Variants in MAGI2 observed in about 807,000 individuals in gnomAD.
MAGI2 encodes membrane associated guanylate kinase, WW and PDZ domain containing 2, also known as membrane-associated guanylate kinase, WW and PDZ domain-containing protein 2.
Under a neutral mutation model 133.3 loss-of-function variants are expected in MAGI2, and 35 were observed. The observed-to-expected ratio is 0.26, with a 90% CI of 0.20 to 0.35. The LOEUF (loss-of-function observed/expected upper bound fraction) is 0.35. MAGI2 is among the 10% of genes least tolerant of loss of function. The pLI, the probability that MAGI2 is intolerant of heterozygous loss-of-function variation, is 1.00. For synonymous variants in MAGI2, 729 were observed against 710.6 expected (o/e 1.03, Z -0.41); for missense variants, 1,636 against 1,863.4 (o/e 0.88, Z 2.25).
chr7:78,085,550 C>CCACA (rs10636313), intron 20 of MAGI2, among the ~76,000 whole-genome samples: 2,683 of 120,988 alleles, frequency 0.022, 34 homozygotes, highest in Middle Eastern at 0.03. Flanking sequence ...AATAAAACTC[C>CCACA]CACACACACA....
intron 16 of MAGI2, among the ~76,000 whole-genome samples, chr7:78,144,938 G>A (rs996167450): frequency 2.6e-5 from 4 of 151,962 alleles, no homozygotes; most frequent in Non-Finnish European, 5.9e-5. Context: ...GTGTCCGTGT[G>A]TTCTCATTGT....
At chr7:78,578,332 A>G (rs1023783917) in intron 3 of MAGI2, among the ~76,000 whole-genome samples, 1 of 152,168 alleles carries the variant, frequency 6.6e-6, no homozygotes, top group African/African-American at 2.4e-5. Flanking sequence ...ATAATAAAGG[A>G]CAATGTACAT....
chr7:78,752,771 G>A (rs1341859233), intron 2 of MAGI2, among the ~76,000 whole-genome samples: 1 of 152,162 alleles, frequency 6.6e-6, no homozygotes, highest in Non-Finnish European at 1.5e-5. Context: ...AGCTGCCAAG[G>A]TCTCCTTTTC....
chr7:79,155,641 G>T (rs970414328), intron 1 of MAGI2, among the ~76,000 whole-genome samples: 2 of 152,154 alleles, frequency 1.3e-5, no homozygotes, highest in African/African-American at 4.8e-5. Flanking sequence ...GGACCAGAGA[G>T]TTGGAAGTGT....
chr7:78,936,054 T>C (rs1313391644), intron 2 of MAGI2, among the ~76,000 whole-genome samples: 1 of 152,096 alleles, frequency 6.6e-6, no homozygotes, highest in Non-Finnish European at 1.5e-5. Flanking sequence ...TGAATCAAAG[T>C]CTATGCCTAT....
rs376225740 is a variant in MAGI2 at position 78,431,751 on chromosome 7, A to G, written c.1045+58010T>C. Among the ~76,000 whole-genome samples the G allele has an allele frequency of 8.0e-4, 121 of 152,000 alleles. 1 individual carries two copies. The South Asian group carries it at 0.016, about 20-fold the overall frequency. ...AGTATGTTCTCATAGCTTAAAGCTG[A>G]TGGGTTGAGTGCATATACTCACTTA... On this transcript the variant is annotated intron_variant, in intron 6 of 21. Coordinates refer to ENST00000354212, the MANE Select transcript of MAGI2 (RefSeq NM_012301.4).
chr7:79,247,391 G>A (rs937193581), intron 1 of MAGI2, among the ~76,000 whole-genome samples: 1 of 152,120 alleles, frequency 6.6e-6, no homozygotes, highest in Non-Finnish European at 1.5e-5. Flanking sequence ...GAGTTAGGAG[G>A]ACCGCTTGAG....
intron 1 of MAGI2, among the ~76,000 whole-genome samples, chr7:79,229,356 C>A (rs1831154278): frequency 6.6e-6 from 1 of 152,088 alleles, no homozygotes; most frequent in Admixed American, 6.5e-5. Context: ...CAGGACAAAA[C>A]AATTAGCAGT....
chr7:79,208,636 T>C (rs1419362595), intron 1 of MAGI2, among the ~76,000 whole-genome samples: 1 of 151,988 alleles, frequency 6.6e-6, no homozygotes, highest in African/African-American at 2.4e-5. Flanking sequence ...CTTCAAAACA[T>C]TAGAAATAGA....
In MAGI2 at chr7:78,543,059, C is replaced by T. The variant is rs139593436; in HGVS notation, c.539-21414G>A. Among the ~76,000 whole-genome samples, 775 of 152,214 alleles carry T rather than the reference C, an allele frequency of 5.1e-3. 5 individuals carry two copies. The highest frequency in any genetic ancestry group is 0.017 in the African/African-American group (726 of 41,514). ...GCCCAAACTGATGATCTCATGATTGCAGATTAAAACCAATTCAACTAGAGA... is the reference window on the plus strand; with the variant it reads ...GCCCAAACTGATGATCTCATGATTGTAGATTAAAACCAATTCAACTAGAGA... On this transcript the variant is annotated intron_variant, in intron 3 of 21. Transcript: ENST00000354212.
chr7:78,052,827 G>A (rs1812155134), intron 21 of MAGI2, among the ~76,000 whole-genome samples: 1 of 151,928 alleles, frequency 6.6e-6, no homozygotes, highest in East Asian at 1.9e-4. Flanking sequence ...GATATATATG[G>A]GAAGATACAG....
intron 9 of MAGI2, among the ~76,000 whole-genome samples, chr7:78,284,625 T>C (rs1220668472): frequency 6.6e-6 from 1 of 152,072 alleles, no homozygotes; most frequent in East Asian, 1.9e-4. Context: ...CAAAAAGGAA[T>C]AATATAGTTC....
At chr7:78,758,128 T>G (rs1824140518) in intron 2 of MAGI2, among the ~76,000 whole-genome samples, 1 of 152,226 alleles carries the variant, frequency 6.6e-6, no homozygotes, top group South Asian at 2.1e-4. Context: ...TTGGGACATT[T>G]AACGGTCCTT....
intron 3 of MAGI2, among the ~76,000 whole-genome samples, chr7:78,581,105 C>A (rs557815634): frequency 1.0e-3 from 159 of 152,156 alleles, no homozygotes; most frequent in African/African-American, 3.2e-3. Flanking sequence ...GTAATTATAC[C>A]ATTTGAAAAA....
chr7:78,224,947 C>T (rs754664830), intron 10 of MAGI2, among the ~76,000 whole-genome samples: 9 of 152,172 alleles, frequency 5.9e-5, no homozygotes, highest in Non-Finnish European at 1.2e-4. Context: ...AGAAATAGGT[C>T]CTGAGGTCTG....
chr7:78,694,548 T>C (rs958726067), intron 2 of MAGI2, among the ~76,000 whole-genome samples: 3 of 152,120 alleles, frequency 2.0e-5, no homozygotes, highest in African/African-American at 7.2e-5. Context: ...TGAGTTCTAG[T>C]CCCCAAGCTC....
chr7:79,265,929 T>G (rs1283189788), intron 1 of MAGI2, among the ~76,000 whole-genome samples: 1 of 152,222 alleles, frequency 6.6e-6, no homozygotes, highest in African/African-American at 2.4e-5. Context: ...TGTGCTGTTT[T>G]GTAAGCTGAA....
intron 1 of MAGI2, among the ~76,000 whole-genome samples, chr7:79,312,172 T>C (rs962453046): frequency 1.3e-5 from 2 of 152,188 alleles, no homozygotes; most frequent in African/African-American, 4.8e-5. Context: ...CAAGCTATGA[T>C]AAGTCAAGTC....
intron 1 of MAGI2, among the ~76,000 whole-genome samples, chr7:79,263,024 C>T (rs1834190677): frequency 6.6e-6 from 1 of 152,056 alleles, no homozygotes; most frequent in Non-Finnish European, 1.5e-5. Context: ...GCTTATATAT[C>T]ATCATATCTT....
Sources: allele counts gnomAD v4.1 joint callset (sites outside exome capture counted in the v4.1 genomes callset), GRCh38; gene constraint gnomAD v4.1.1; transcripts MANE v1.5; gene names NCBI Gene and HGNC (gene_info 2026-07-23, HGNC 2026-07-21).